TNFRSF21: variants seen among roughly 807,000 people sequenced by gnomAD.
TNFRSF21 encodes the protein TNF receptor superfamily member 21, also known as tumor necrosis factor receptor superfamily member 21.
A neutral mutation model predicts 45.6 loss-of-function variants in TNFRSF21; 19 were observed. That is an observed-to-expected ratio of 0.42 (90% confidence interval 0.29 to 0.61). The LOEUF is 0.61. TNFRSF21 is among the 20% of genes least tolerant of loss of function. The probability of loss-of-function intolerance (pLI) is 0.23; values close to 1 mark genes in which losing one functional copy is unlikely to be tolerated. For missense variants in TNFRSF21, 737 were observed against 851.5 expected, an observed-to-expected ratio of 0.87 and a Z score of 1.67; for synonymous variants, 314 against 335.5, an observed-to-expected ratio of 0.94 and a Z score of 0.70.
Position 47,286,970 on chromosome 6 carries a change from G to A in TNFRSF21, c.97-375C>T, listed in dbSNP as rs75782117. Reference sequence around the variant, plus strand: ...TTTAAAATGTTATATATGGCTGGGCGCACTGGCTCACACCTGTAATTTTTG... The same window carrying A: ...TTTAAAATGTTATATATGGCTGGGCACACTGGCTCACACCTGTAATTTTTG... On this transcript the variant is annotated intron_variant, in intron 1 of 5. Coordinates refer to ENST00000296861, the MANE Select transcript of TNFRSF21 (RefSeq NM_014452.5). Among the ~76,000 whole-genome samples, 985 of 152,232 alleles carry A rather than the reference G, an allele frequency of 6.5e-3. 6 individuals are homozygous for A. Among genetic ancestry groups the A allele is most frequent in the African/African-American group, 0.021 (892 of 41,538 alleles).
intron 3 of TNFRSF21, among the ~76,000 whole-genome samples, chr6:47,266,703 G>A (rs1762336636): frequency 6.6e-6 from 1 of 152,114 alleles, no homozygotes; most frequent in African/African-American, 2.4e-5. Flanking sequence ...ATACAGAAGG[G>A]GTTGGTTGTA....
At chr6:47,261,041 A>G (rs937176949) in intron 3 of TNFRSF21, among the ~76,000 whole-genome samples, 2 of 152,152 alleles carry the variant, frequency 1.3e-5, no homozygotes, top group African/African-American at 4.8e-5. Context: ...GTCTCCTGAG[A>G]TGTACACATG....
At chr6:47,285,418 T>C (rs1267906240) in intron 2 of TNFRSF21, among the ~76,000 whole-genome samples, 3 of 152,182 alleles carry the variant, frequency 2.0e-5, no homozygotes, top group African/African-American at 7.2e-5. Flanking sequence ...ACAAATTTGC[T>C]TATTTCCTGA....
intron 3 of TNFRSF21, among the ~76,000 whole-genome samples, chr6:47,282,271 G>A (rs914886836): frequency 6.6e-6 from 1 of 151,648 alleles, no homozygotes; most frequent in African/African-American, 2.4e-5. Flanking sequence ...TGTAATCCCA[G>A]CTACTCAGGA....
At chr6:47,241,100 T>G (rs1764737829) in intron 4 of TNFRSF21, among the ~76,000 whole-genome samples, 1 of 152,238 alleles carries the variant, frequency 6.6e-6, no homozygotes, top group Non-Finnish European at 1.5e-5. Flanking sequence ...AAAGGCATAT[T>G]TTCTTTGCCA....
intron 2 of TNFRSF21, 105 bp from the exon 3 acceptor site, chr6:47,284,537 T>C: frequency 2.3e-6 from 3 of 1,283,288 alleles, no homozygotes; most frequent in South Asian, 2.2e-5. Flanking sequence ...TAATCAAAGA[T>C]AAGATGACCC....
At chr6:47,234,547 T>A in intron 5 of TNFRSF21, 123 bp downstream of exon 5, 4 of 802,298 alleles carry the variant, frequency 5.0e-6, no homozygotes, top group Non-Finnish European at 8.0e-6. Context: ...CTGGTCTTCC[T>A]GGGCAGGTAA....
chr6:47,272,222 GCAC>G (rs201793579), intron 3 of TNFRSF21, among the ~76,000 whole-genome samples: 13,037 of 152,110 alleles, frequency 0.086, 604 homozygotes, highest in East Asian at 0.15. Flanking sequence ...ATTCTTCTCA[GCAC>G]CACATCACAC....
At chr6:47,278,104 C>A (rs1762523535) in intron 3 of TNFRSF21, among the ~76,000 whole-genome samples, 3 of 152,162 alleles carry the variant, frequency 2.0e-5, no homozygotes, top group African/African-American at 7.2e-5. Flanking sequence ...GGGATGTCAG[C>A]AATCTTTTCC....
chr6:47,309,415 C>T lies in TNFRSF21; in HGVS notation c.96+1G>A. 6.5e-7 allele frequency: 1 copy of T among 1,543,612 alleles called. No homozygotes were observed. The highest frequency in any genetic ancestry group is 1.4e-5 in the African/African-American group (1 of 70,774). On this transcript the variant is annotated splice_donor_variant, in intron 1 of 5. Coordinates refer to ENST00000296861, the MANE Select transcript of TNFRSF21 (RefSeq NM_014452.5). LOFTEE classifies it high-confidence loss of function. Reference sequence around the variant, plus strand: ...CACCCCCGGTCCACGCAAGCGCTCACCAGGAGAAGGGAGCCCGCGATCATC... The same window carrying T: ...CACCCCCGGTCCACGCAAGCGCTCATCAGGAGAAGGGAGCCCGCGATCATC...
chr6:47,307,631 C>T (rs1582368259), intron 1 of TNFRSF21, among the ~76,000 whole-genome samples: 1 of 152,192 alleles, frequency 6.6e-6, no homozygotes, highest in African/African-American at 2.4e-5. Flanking sequence ...ACCCTGGCCG[C>T]CCAAAACGCT....
intron 1 of TNFRSF21, among the ~76,000 whole-genome samples, chr6:47,300,117 A>G (rs2113870159): frequency 6.6e-6 from 1 of 152,342 alleles, no homozygotes; most frequent in African/African-American, 2.4e-5. Flanking sequence ...TGCCGACTGG[A>G]GGGGATAGAG....
chr6:47,308,983 G>A (rs961209071), intron 1 of TNFRSF21, among the ~76,000 whole-genome samples: 1 of 152,164 alleles, frequency 6.6e-6, no homozygotes, highest in Non-Finnish European at 1.5e-5. Context: ...CTGCAACAAA[G>A]CGCCGGCCTC....
At chr6:47,254,525 G>C (rs1055111482) in intron 3 of TNFRSF21, among the ~76,000 whole-genome samples, 1 of 152,112 alleles carries the variant, frequency 6.6e-6, no homozygotes, top group African/African-American at 2.4e-5. Flanking sequence ...GTGACTTCAT[G>C]ACATTTAGAA....
At chr6:47,267,274 T>A (rs951621483) in intron 3 of TNFRSF21, among the ~76,000 whole-genome samples, 6 of 151,506 alleles carry the variant, frequency 4.0e-5, no homozygotes, top group Non-Finnish European at 8.9e-5. Flanking sequence ...AATTTTTGTA[T>A]TTTTTAGTAG....
At chr6:47,268,584 C>T (rs114330282) in intron 3 of TNFRSF21, among the ~76,000 whole-genome samples, 3,263 of 152,062 alleles carry the variant, frequency 0.021, 136 homozygotes, top group African/African-American at 0.075. Context: ...CTTTAAGTTG[C>T]TTTCACCTGG....
chr6:47,273,109 T>C (rs1762451155), intron 3 of TNFRSF21, among the ~76,000 whole-genome samples: 1 of 152,204 alleles, frequency 6.6e-6, no homozygotes, highest in Non-Finnish European at 1.5e-5. Context: ...GTACCATTCC[T>C]TCTGAAACTA....
rs927193010 is a variant in TNFRSF21 at position 47,309,542 on chromosome 6, G to A, written c.-31C>T. On this transcript the variant is annotated 5_prime_UTR_variant, in exon 1 of 6. Coordinates refer to ENST00000296861, the MANE Select transcript of TNFRSF21 (RefSeq NM_014452.5). ...AACCGGGGACTCGCAGGGGCGCCCG[G>A]GGCGCGCGGGGCAGCTGGAATCGGC... 2 of 1,401,928 alleles carry A rather than the reference G, an allele frequency of 1.4e-6. No individual in the cohort carries two copies. Among genetic ancestry groups the A allele is most frequent in the Non-Finnish European group, 1.8e-6 (2 of 1,086,592 alleles). 86.8% of individuals were successfully genotyped at this position (1,401,928 alleles called of 1,614,324 possible). A position where few individuals can be genotyped will look rare whatever the true frequency, so the allele number is the denominator to read the frequency against.
chr6:47,273,192 C>G (rs1290032780), intron 3 of TNFRSF21, among the ~76,000 whole-genome samples: 1 of 152,152 alleles, frequency 6.6e-6, no homozygotes, highest in African/African-American at 2.4e-5. Flanking sequence ...GATACCAAGG[C>G]CTGGCAGAGA....
Sources: gnomAD v4.1 joint callset for allele counts (sites outside exome capture counted in the v4.1 genomes callset) on GRCh38, gnomAD v4.1.1 for gene constraint, MANE v1.5 for transcripts, NCBI Gene and HGNC (gene_info 2026-07-23, HGNC 2026-07-21) for gene names.